The following TCF7L1 variants were observed in gnomAD, a reference collection of about 807,000 sequenced individuals.
TCF7L1 encodes transcription factor 7 like 1, also known as transcription factor 7-like 1.
Under a neutral mutation model 63.7 loss-of-function variants are expected in TCF7L1, and 18 were observed. The ratio of observed to expected loss-of-function variants is 0.28; its 90% CI spans 0.20 to 0.42. The LOEUF (loss-of-function observed/expected upper bound fraction) is 0.42, where lower values mean the gene tolerates loss of function less well. Ranked by LOEUF, TCF7L1 falls within the 10% of genes least tolerant of loss-of-function variation. TCF7L1 has a pLI of 1.00. For missense variants in TCF7L1, 654 were observed against 779.3 expected (o/e 0.84, Z 1.91); for synonymous variants, 355 against 340.9 (o/e 1.04, Z -0.46).
At chr2:85,226,646 T>C (rs183985707) in intron 3 of TCF7L1, among the ~76,000 whole-genome samples, 2 of 152,080 alleles carry the variant, frequency 1.3e-5, no homozygotes, top group African/African-American at 4.8e-5. Context: ...TCAGCTCTTC[T>C]CTCCCTCCTG....
intron 3 of TCF7L1, among the ~76,000 whole-genome samples, chr2:85,156,424 G>T (rs144553647): frequency 6.6e-6 from 1 of 152,174 alleles, no homozygotes; most frequent in African/African-American, 2.4e-5. Context: ...TTCAGGAAGG[G>T]AGCACACAGA....
rs534410440 is a variant in TCF7L1 at position 85,262,984 on chromosome 2, G to A, written c.442-20511G>A. Among the ~76,000 whole-genome samples the A allele has an allele frequency of 2.6e-5, 4 of 152,346 alleles. No individual in the cohort carries two copies. The South Asian group carries it at 8.3e-4, about 32-fold the overall frequency. On this transcript the variant is annotated intron_variant, in intron 3 of 11. Coordinates refer to ENST00000282111, the MANE Select transcript of TCF7L1 (RefSeq NM_031283.3). ...CCTCAGAGAGAGAGAGGGAGAAGGAGAGAGTGTCATCTACATCATGACAGT... is the reference window on the plus strand; with the variant it reads ...CCTCAGAGAGAGAGAGGGAGAAGGAAAGAGTGTCATCTACATCATGACAGT...
intron 3 of TCF7L1, among the ~76,000 whole-genome samples, chr2:85,260,044 T>C (rs1680821137): frequency 6.6e-6 from 1 of 152,168 alleles, no homozygotes; most frequent in Non-Finnish European, 1.5e-5. Context: ...CAGGCTTATC[T>C]CCTTTCTCCA....
chr2:85,309,562 C>A lies in TCF7L1; in HGVS notation c.*100C>A. On this transcript the variant is annotated 3_prime_UTR_variant, in exon 12 of 12. Transcript: ENST00000282111. ...CTTTATTGGTCAATATTTGACCACT[C>A]TGGACTGTTCTGTAAAGTGGCTGGT... The A allele has an allele frequency of 1.6e-6, 2 of 1,242,038 alleles. No homozygotes were observed. Among genetic ancestry groups the A allele is most frequent in the East Asian group, 5.1e-5 (2 of 39,312 alleles). The allele number at this position is 1,242,038 out of a possible 1,614,324, so 76.9% of individuals were successfully genotyped here. A position where few individuals can be genotyped will look rare whatever the true frequency, so the allele number is the denominator to read the frequency against.
Position 85,134,378 on chromosome 2 carries a change from C to T in TCF7L1, c.369C>T (p.Pro123=), listed in dbSNP as rs1308214763. Residue 123 remains proline, a synonymous_variant, in exon 3 of 12, where the codon CCC becomes CCT. Coordinates refer to ENST00000282111, the MANE Select transcript of TCF7L1 (RefSeq NM_031283.3). The surrounding 1 kb of genome is among the most constrained non-coding windows in gnomAD (Gnocchi z 5.0). ...FFKGPPYPGY[P]FLMIPDLSSP... Reference sequence around the variant, plus strand: ...AAGGACCCCCGTACCCTGGGTACCCCTTCCTGATGATCCCGGACCTGAGCA... The same window carrying T: ...AAGGACCCCCGTACCCTGGGTACCCTTTCCTGATGATCCCGGACCTGAGCA... The T allele has an allele frequency of 1.3e-6, 2 of 1,578,116 alleles. No individual in the cohort carries two copies. The highest frequency in any genetic ancestry group is 1.7e-6 in the Non-Finnish European group (2 of 1,161,268).
intron 6 of TCF7L1, 46 bp from the exon 7 acceptor site, chr2:85,304,209 C>G: frequency 6.3e-7 from 1 of 1,580,164 alleles, no homozygotes; most frequent in Non-Finnish European, 8.7e-7. Context: ...TCTTCCTCTG[C>G]CCTGAGCTTT....
chr2:85,205,819 CCTCCATATT>C (rs1679395896), intron 3 of TCF7L1, among the ~76,000 whole-genome samples: 2 of 152,236 alleles, frequency 1.3e-5, no homozygotes, highest in South Asian at 4.1e-4. Context: ...CTGCACCCAG[CCTCCATATT>C]CTTTATTCTA....
Position 85,283,608 on chromosome 2 carries a change from G to A in TCF7L1, c.525+30G>A, listed in dbSNP as rs1013415730. The stretch of plus-strand genomic sequence containing the variant: ...GTCTGTTTCACCTTAAAGCACCAAA[G>A]GGCCACTATTAGTGGCCTCATCCCA... On this transcript the variant is annotated intron_variant, in intron 4 of 11. Transcript: ENST00000282111. The A allele has an allele frequency of 5.6e-6, 9 of 1,612,694 alleles. No homozygotes were observed. The African/African-American group carries it at 1.1e-4, about 19-fold the overall frequency.
At position 85,133,966 on chromosome 2, in the gene TCF7L1, C is replaced by G. The variant is rs201706983; in HGVS notation, c.249+33C>G. 1.9e-6 allele frequency: 3 copies of G among 1,581,648 alleles called. No individual in the cohort carries two copies. The highest frequency in any genetic ancestry group is 2.3e-5 in the East Asian group (1 of 43,194). ...AGCACCGCGGCCACCCCCGGGGGAT[C>G]CCGGCCCTGCGTCCGCTCACCCGCT... is the stretch of plus-strand genomic sequence containing the variant. On this transcript the variant is annotated intron_variant, in intron 1 of 11. Coordinates refer to ENST00000282111, the MANE Select transcript of TCF7L1 (RefSeq NM_031283.3). This position sits in a 1 kb window ranked among gnomAD's most constrained non-coding sequence, Gnocchi z 4.4.
chr2:85,282,136 C>T (rs948860765), intron 3 of TCF7L1, among the ~76,000 whole-genome samples: 13 of 152,106 alleles, frequency 8.5e-5, no homozygotes, highest in Non-Finnish European at 1.5e-4. Context: ...TATAGTCCTG[C>T]GCCACCACAC....
chr2:85,304,806 C>T lies in TCF7L1; in HGVS notation c.846-454C>T, dbSNP rs574079318. Among the ~76,000 whole-genome samples, 18 of 152,310 alleles carry T rather than the reference C, an allele frequency of 1.2e-4. No homozygotes were observed. In the South Asian group the frequency reaches 1.5e-3, roughly 12 times the overall value. ...AAGTCAAAATATCCTAAGTCACGGA[C>T]TGTCTGTATATCACACTGAAGCTAG... On this transcript the variant is annotated intron_variant, in intron 7 of 11. Transcript: ENST00000282111.
chr2:85,173,564 T>C (rs1435378587), intron 3 of TCF7L1, among the ~76,000 whole-genome samples: 1 of 152,148 alleles, frequency 6.6e-6, no homozygotes, highest in Non-Finnish European at 1.5e-5. Flanking sequence ...GAATCGCAAA[T>C]ACATTTATGC....
chr2:85,177,728 A>G (rs1040493888), intron 3 of TCF7L1, among the ~76,000 whole-genome samples: 45 of 152,272 alleles, frequency 3.0e-4, no homozygotes, highest in African/African-American at 1.1e-3. Context: ...TAAAAAAATG[A>G]AAAAAGGGAA....
chr2:85,180,969 C>A (rs1377888400), intron 3 of TCF7L1, among the ~76,000 whole-genome samples: 1 of 152,234 alleles, frequency 6.6e-6, no homozygotes, highest in Non-Finnish European at 1.5e-5. Flanking sequence ...CGGTGGCCTT[C>A]CCCTGGCATC....
intron 3 of TCF7L1, among the ~76,000 whole-genome samples, chr2:85,265,760 T>C (rs1372877363): frequency 1.3e-5 from 2 of 150,962 alleles, no homozygotes; most frequent in South Asian, 2.1e-4. Context: ...ATATAGACTT[T>C]ACTGGGTTTT....
At chr2:85,195,692 G>T (rs1679138478) in intron 3 of TCF7L1, among the ~76,000 whole-genome samples, 1 of 151,952 alleles carries the variant, frequency 6.6e-6, no homozygotes, top group Non-Finnish European at 1.5e-5. Flanking sequence ...GACTAGAGGG[G>T]CACGCCACCA....
At chr2:85,287,827 G>C (rs1573027083) in intron 4 of TCF7L1, among the ~76,000 whole-genome samples, 1 of 152,158 alleles carries the variant, frequency 6.6e-6, no homozygotes, top group African/African-American at 2.4e-5. Flanking sequence ...GGGTATATGA[G>C]TGGGAGGCTG....
At chr2:85,283,135 C>T (rs1276559612) in intron 3 of TCF7L1, among the ~76,000 whole-genome samples, 1 of 151,864 alleles carries the variant, frequency 6.6e-6, no homozygotes, top group Non-Finnish European at 1.5e-5. Context: ...GTCAGCCCTG[C>T]GTGTCCATGA....
At chr2:85,173,330 G>C (rs1574090243) in intron 3 of TCF7L1, among the ~76,000 whole-genome samples, 1 of 151,830 alleles carries the variant, frequency 6.6e-6, no homozygotes, top group East Asian at 1.9e-4. Flanking sequence ...TACGGAGGGG[G>C]TGGGGGGCTC....
Sources: gnomAD v4.1 joint callset for allele counts (sites outside exome capture counted in the v4.1 genomes callset) on GRCh38, gnomAD v4.1.1 for gene constraint, Gnocchi (gnomAD v3.1) non-coding constraint, MANE v1.5 for transcripts, NCBI Gene and HGNC (gene_info 2026-07-23, HGNC 2026-07-21) for gene names.